Variants in SYN2 observed in about 807,000 individuals in gnomAD.
SYN2 encodes synapsin-2.
In SYN2, 19 loss-of-function variants were observed where a neutral mutation model predicts 50.9. The observed-to-expected ratio is 0.37, with a 90% CI of 0.26 to 0.55. SYN2 has a LOEUF of 0.55. Ranked by LOEUF, SYN2 falls within the 20% of genes least tolerant of loss-of-function variation. The pLI, the probability that SYN2 is intolerant of heterozygous loss-of-function variation, is 0.81. For synonymous variants in SYN2, 255 were observed against 224.9 expected, an observed-to-expected ratio of 1.13 and a Z score of -1.20; for missense variants, 587 against 576.4, an observed-to-expected ratio of 1.02 and a Z score of -0.19.
chr3:12,134,878 G>A (rs150576100), intron 1 of SYN2, among the ~76,000 whole-genome samples: 144 of 152,300 alleles, frequency 9.5e-4, no homozygotes, highest in South Asian at 2.9e-3. Context: ...AGATATTGGC[G>A]TCCTTTTGTA....
At chr3:12,185,347 A>G (rs2124837784) in intron 11 of SYN2, 14 of 985,698 alleles carry the variant, frequency 1.4e-5, no homozygotes, top group Non-Finnish European at 1.6e-5. Flanking sequence ...GGTGCTTTTC[A>G]TGTGTCATTT....
At chr3:12,187,768 T>TG (rs1698374681) in intron 12 of SYN2, among the ~76,000 whole-genome samples, 156 bp downstream of exon 12, 1 of 149,902 alleles carries the variant, frequency 6.7e-6, no homozygotes, top group African/African-American at 2.4e-5. Context: ...TTTTTGGTTT[T>TG]TGTGTGTGTG....
chr3:12,062,213 A>G (rs1490748845), intron 1 of SYN2, among the ~76,000 whole-genome samples: 1 of 152,086 alleles, frequency 6.6e-6, no homozygotes, highest in Non-Finnish European at 1.5e-5. Flanking sequence ...GCCCAGAAAT[A>G]GACTCACACA....
Position 12,141,895 on chromosome 3 carries a change from T to C in SYN2, c.436-10T>C, listed in dbSNP as rs1202248201. On this transcript the variant is annotated splice_polypyrimidine_tract_variant and intron_variant, in intron 2 of 12. Coordinates refer to ENST00000621198, the MANE Select transcript of SYN2 (RefSeq NM_133625.6). ...GATTGTGAACTTATTCCCCTGTTAT[T>C]ATTTTCCAGGCAGAATTTTCAGAGC... The C allele has an allele frequency of 1.3e-6, 1 of 780,828 alleles. No individual in the cohort carries two copies. Among genetic ancestry groups the C allele is most frequent in the Admixed American group, 1.7e-5 (1 of 59,040 alleles). The allele number at this position is 780,828 out of a possible 1,614,324, so 48.4% of individuals were successfully genotyped here.
At chr3:12,087,752 C>G (rs907052956) in intron 1 of SYN2, among the ~76,000 whole-genome samples, 1 of 151,956 alleles carries the variant, frequency 6.6e-6, no homozygotes, top group Non-Finnish European at 1.5e-5. Context: ...GGCCCTGTCT[C>G]AGAAAAATCC....
chr3:12,071,285 C>A (rs1421509595), intron 1 of SYN2: 1 of 560,568 alleles, frequency 1.8e-6, no homozygotes, highest in Non-Finnish European at 3.6e-6. Flanking sequence ...GCCTCACTGT[C>A]CATCTTCCAG....
At chr3:12,179,014 A>G (rs1022387113) in intron 10 of SYN2, among the ~76,000 whole-genome samples, 1 of 152,176 alleles carries the variant, frequency 6.6e-6, no homozygotes, top group African/African-American at 2.4e-5. Context: ...TGAGCTGGGC[A>G]TTTGTGACTC....
In SYN2 at chr3:12,183,185, AGATCCCACTG is replaced by A. The variant is rs1180317807; in HGVS notation, c.1309-118_1309-109del. ...TCTGGAGCAGCAGAAGCCTATGGCC[AGATCCCACTG>A]GATCCCACCAGGTCCCACCGGATTC... On this transcript the variant is annotated intron_variant, in intron 10 of 12. Transcript: ENST00000621198. The A allele has an allele frequency of 1.5e-5, 20 of 1,316,662 alleles. No individual in the cohort carries two copies. In the East Asian group the frequency reaches 1.5e-4, roughly 10 times the overall value. 81.6% of individuals were successfully genotyped at this position (1,316,662 alleles called of 1,614,324 possible). A position where few individuals can be genotyped will look rare whatever the true frequency, so the allele number is the denominator to read the frequency against.
At chr3:12,158,834 C>T in intron 5 of SYN2, 1 of 1,584,952 alleles carries the variant, frequency 6.3e-7, no homozygotes. Flanking sequence ...CGAGGGCTCC[C>T]AGGCATGACA....
intron 5 of SYN2, chr3:12,156,716 C>A: frequency 1.2e-6 from 1 of 850,938 alleles, no homozygotes; most frequent in East Asian, 2.5e-5. Context: ...GAAAATGCCA[C>A]CTGGCTCAGC....
chr3:12,126,188 C>G (rs1017537087), intron 1 of SYN2, among the ~76,000 whole-genome samples: 13 of 152,238 alleles, frequency 8.5e-5, no homozygotes, highest in African/African-American at 2.9e-4. Context: ...GTCAAGGTTT[C>G]TGCTTCATCA....
intron 1 of SYN2, among the ~76,000 whole-genome samples, chr3:12,015,701 C>G (rs1016075891): frequency 2.6e-5 from 4 of 152,212 alleles, no homozygotes; most frequent in Non-Finnish European, 5.9e-5. Context: ...GTCTGATGTT[C>G]CTAAACACCC....
chr3:12,050,926 G>A (rs1263198806), intron 1 of SYN2, among the ~76,000 whole-genome samples: 1 of 148,998 alleles, frequency 6.7e-6, no homozygotes, highest in East Asian at 2.0e-4. Flanking sequence ...TAGTAGAGAC[G>A]GGGTTTCACC....
intron 3 of SYN2, among the ~76,000 whole-genome samples, chr3:12,143,366 G>A (rs1186951806): frequency 6.6e-6 from 1 of 152,078 alleles, no homozygotes; most frequent in Non-Finnish European, 1.5e-5. Context: ...GTGAAGTTTG[G>A]GGTTCTAGTG....
At chr3:12,069,786 G>A (rs911208098) in intron 1 of SYN2, among the ~76,000 whole-genome samples, 6 of 151,000 alleles carry the variant, frequency 4.0e-5, no homozygotes, top group East Asian at 1.9e-4. Flanking sequence ...TTGGTACCTC[G>A]GTTTTGTTTA....
At chr3:12,115,918 A>C (rs1261853450) in intron 1 of SYN2, among the ~76,000 whole-genome samples, 1 of 152,156 alleles carries the variant, frequency 6.6e-6, no homozygotes, top group African/African-American at 2.4e-5. Flanking sequence ...CTAGCATATA[A>C]TAGGTTTTCA....
At chr3:12,048,522 A>T (rs1159760113) in intron 1 of SYN2, among the ~76,000 whole-genome samples, 1 of 152,206 alleles carries the variant, frequency 6.6e-6, no homozygotes, top group Admixed American at 6.5e-5. Context: ...ACTGTTTGCC[A>T]TATAAAAAGT....
At chr3:12,121,525 A>G (rs1696556806) in intron 1 of SYN2, among the ~76,000 whole-genome samples, 3 of 152,036 alleles carry the variant, frequency 2.0e-5, no homozygotes, top group Non-Finnish European at 4.4e-5. Flanking sequence ...GTTTTGCTGT[A>G]CATAAGGCCT....
At chr3:12,044,886 CTCTTTATAT>C (rs532773752) in intron 1 of SYN2, among the ~76,000 whole-genome samples, 2 of 152,092 alleles carry the variant, frequency 1.3e-5, no homozygotes, top group Admixed American at 6.5e-5. Context: ...CTGTGCTAAT[CTCTTTATAT>C]ATATTTAAAT....
Sources: allele counts gnomAD v4.1 joint callset (sites outside exome capture counted in the v4.1 genomes callset), GRCh38; gene constraint gnomAD v4.1.1; transcripts MANE v1.5; gene names NCBI Gene and HGNC (gene_info 2026-07-23, HGNC 2026-07-21).